The following ATP2C1 variants were observed in gnomAD, a reference collection of about 807,000 sequenced individuals.
ATP2C1 encodes the protein ATPase secretory pathway Ca2+ transporting 1.
Under a neutral mutation model 120.5 loss-of-function variants are expected in ATP2C1, and 31 were observed. The ratio of observed to expected loss-of-function variants is 0.26; its 90% CI spans 0.19 to 0.35. The LOEUF is 0.35. ATP2C1 is among the 10% of genes least tolerant of loss of function. The probability of loss-of-function intolerance (pLI) is 1.00; values close to 1 mark genes in which losing one functional copy is unlikely to be tolerated. For missense variants in ATP2C1, 731 were observed against 1,107.5 expected, an observed-to-expected ratio of 0.66 and a Z score of 4.83; for synonymous variants, 351 against 358.7, an observed-to-expected ratio of 0.98 and a Z score of 0.24.
At chr3:130,996,608 C>G in intron 23 of ATP2C1, 72 bp from the exon 24 acceptor site, 1 of 1,021,366 alleles carries the variant, frequency 9.8e-7, no homozygotes. Flanking sequence ...TTTTTAAATG[C>G]TAAAAAAGTG....
chr3:130,872,823 T>C (rs949365751), intron 1 of ATP2C1, among the ~76,000 whole-genome samples: 1 of 152,116 alleles, frequency 6.6e-6, no homozygotes, highest in South Asian at 2.1e-4. Context: ...GACCTTGTGA[T>C]CTACCTGCCT....
At position 131,014,000 on chromosome 3, in the gene ATP2C1, G is replaced by T. The variant is rs1434244486; in HGVS notation, c.2630-2152G>T. 3.1e-6 allele frequency: 4 copies of T among 1,309,138 alleles called. No homozygotes were observed. In the African/African-American group the frequency reaches 4.5e-5, roughly 15 times the overall value. 81.1% of individuals were successfully genotyped at this position (1,309,138 alleles called of 1,614,324 possible). A position where few individuals can be genotyped will look rare whatever the true frequency, so the allele number is the denominator to read the frequency against. ...AGCTAATTGTTTCAAGGGTGGTAACGGAAGAATTTTAAGTAAGGATTATAT... is the reference window on the plus strand; with the variant it reads ...AGCTAATTGTTTCAAGGGTGGTAACTGAAGAATTTTAAGTAAGGATTATAT... On this transcript the variant is annotated intron_variant, in intron 26 of 26. Transcript: ENST00000328560.
At position 130,932,141 on chromosome 3, in the gene ATP2C1, G is replaced by A. The variant is rs1277188541; in HGVS notation, c.234+3G>A. On this transcript the variant is annotated splice_donor_region_variant and intron_variant, in intron 4 of 27. Coordinates refer to ENST00000510168, the MANE Select transcript of ATP2C1 (RefSeq NM_001378687.1). ...TGTGGAAGAAGTATATTTCTCAGGT[G>A]AGATACTTTTACTTCCTCTTCTACT... is the stretch of plus-strand genomic sequence containing the variant. 1 of 1,536,920 alleles carries A rather than the reference G, an allele frequency of 6.5e-7. No homozygotes were observed. Among genetic ancestry groups the A allele is most frequent in the South Asian group, 1.1e-5 (1 of 89,478 alleles).
At chr3:131,006,216 A>G (rs975299608), downstream of ATP2C1, among the ~76,000 whole-genome samples, 51 of 152,086 alleles carry the variant, frequency 3.4e-4, no homozygotes, top group African/African-American at 1.1e-3. Context: ...AGTTCAAGTG[A>G]TTCTCCTGCC....
intron 11 of ATP2C1, among the ~76,000 whole-genome samples, chr3:130,957,613 C>A (rs974374103): frequency 5.3e-5 from 8 of 152,240 alleles, no homozygotes; most frequent in African/African-American, 1.7e-4. Context: ...ATGGCGCAAT[C>A]CCGGCTGACT....
At chr3:131,010,621 C>T (rs1385174527) in intron 26 of ATP2C1, among the ~76,000 whole-genome samples, 1 of 152,182 alleles carries the variant, frequency 6.6e-6, no homozygotes, top group Non-Finnish European at 1.5e-5. Context: ...ATAATTCCTT[C>T]TGGTCTTTTT....
At chr3:130,942,309 A>AT (rs2059958567) in intron 8 of ATP2C1, among the ~76,000 whole-genome samples, 1 of 152,174 alleles carries the variant, frequency 6.6e-6, no homozygotes, top group Non-Finnish European at 1.5e-5. Context: ...TTAACTTCAG[A>AT]TTTTTTTGGT....
Position 130,967,372 on chromosome 3 carries a change from C to G in ATP2C1, c.1261C>G (p.Leu421Val), listed in dbSNP as rs943896787. 3.1e-6 allele frequency: 5 copies of G among 1,613,646 alleles called. No individual in the cohort carries two copies. The highest frequency in any genetic ancestry group is 2.2e-5 in the South Asian group (2 of 91,068). ...TGATGCTGTAATTAGAAACAATACT[C>G]TAATGGGGAAGCCAACAGAAGGGGC... ...CNDAVIRNNT[L>V]MGKPTEGALI... Residue 421 changes from leucine (L) to valine (V), a missense_variant, in exon 16 of 28, where the codon CTA becomes GTA. Physicochemically the swap from Leu to Val is conservative, Grantham distance 32. Around this residue, in one of 3 missense-constraint regions of ATP2C1, gnomAD observed 571 missense variants for 845.9 expected, o/e 0.67. Coordinates refer to ENST00000510168, the MANE Select transcript of ATP2C1 (RefSeq NM_001378687.1).
chr3:130,921,706 CAT>C (rs1282131236), intron 2 of ATP2C1, among the ~76,000 whole-genome samples: 2 of 152,070 alleles, frequency 1.3e-5, no homozygotes, highest in South Asian at 2.1e-4. Flanking sequence ...TTGAGATGAT[CAT>C]GTGATTTTTA....
intron 20 of ATP2C1, 156 bp from the exon 21 acceptor site, chr3:130,992,795 C>T (rs1451734810): frequency 4.6e-6 from 3 of 657,306 alleles, no homozygotes; most frequent in Non-Finnish European, 8.3e-6. Flanking sequence ...AGATTAATGT[C>T]TTAACAAACA....
chr3:131,005,948 G>C (rs183882309), downstream of ATP2C1, among the ~76,000 whole-genome samples: 1 of 151,270 alleles, frequency 6.6e-6, no homozygotes. Context: ...AGGTGAGAGC[G>C]TGTGTGTGTG....
At chr3:130,923,459 C>T (rs2059058258) in intron 2 of ATP2C1, among the ~76,000 whole-genome samples, 2 of 152,026 alleles carry the variant, frequency 1.3e-5, no homozygotes, top group African/African-American at 4.8e-5. Flanking sequence ...CCTTATGATC[C>T]ACCTGTGTCA....
Position 130,940,610 on chromosome 3 carries a change from A to G in ATP2C1, c.361-20A>G, listed in dbSNP as rs375688553. The G allele has an allele frequency of 7.7e-6, 12 of 1,548,594 alleles. No individual in the cohort carries two copies. The highest frequency in any genetic ancestry group is 1.7e-4 in the Middle Eastern group (1 of 5,994). On this transcript the variant is annotated intron_variant, in intron 6 of 27. Transcript: ENST00000510168. ...ATTCATGGGAGCAAAATTAAATTCT[A>G]CTTTTTTTTGTTTGAATAGGAATAT...
chr3:130,901,976 G>A (rs887772283), intron 2 of ATP2C1, among the ~76,000 whole-genome samples: 2 of 151,978 alleles, frequency 1.3e-5, no homozygotes, highest in African/African-American at 2.4e-5. Context: ...GCTACAATCC[G>A]TAAGACAGCA....
In ATP2C1 at chr3:130,995,361, G is replaced by A. The variant is rs543401368; in HGVS notation, c.2058-682G>A. On this transcript the variant is annotated intron_variant, in intron 22 of 27. Transcript: ENST00000510168. Reference sequence around the variant, plus strand: ...CCAAGAAGGTCGAGGCTGCAGGTAAGTCAAGGTTGTGCCACTGCGCTCCAG... The same window carrying A: ...CCAAGAAGGTCGAGGCTGCAGGTAAATCAAGGTTGTGCCACTGCGCTCCAG... 1.3e-4 allele frequency among the ~76,000 whole-genome samples: 19 copies of A among 151,520 alleles called. No individual in the cohort carries two copies. In the South Asian group the frequency reaches 3.9e-3, roughly 31 times the overall value.
chr3:130,921,079 C>CTTTTTTTTTT (rs1170193033), intron 2 of ATP2C1, among the ~76,000 whole-genome samples: 1 of 128,562 alleles, frequency 7.8e-6, no homozygotes, highest in African/African-American at 3.0e-5. Flanking sequence ...AGTTTTCTTT[C>CTTTTTTTTTT]TTTTTTTTTT....
chr3:130,934,360 A>G (rs996187189), intron 4 of ATP2C1, among the ~76,000 whole-genome samples: 4 of 152,180 alleles, frequency 2.6e-5, no homozygotes, highest in Non-Finnish European at 4.4e-5. Flanking sequence ...AAATTGCTGT[A>G]TACTATAAGG....
At chr3:131,003,604 T>C (rs2062989039), downstream of ATP2C1, among the ~76,000 whole-genome samples, 1 of 152,190 alleles carries the variant, frequency 6.6e-6, no homozygotes. Context: ...ACATTTGTGC[T>C]GGACATTGCA....
chr3:130,894,323 T>C lies in ATP2C1; in HGVS notation c.-195T>C. ...GAGACCCCGCAGCCTGGAGGAGGGCTGTCCGGGGCTTTGGGTGGGTACCAG... is the reference window on the plus strand; with the variant it reads ...GAGACCCCGCAGCCTGGAGGAGGGCCGTCCGGGGCTTTGGGTGGGTACCAG... On this transcript the variant is annotated 5_prime_UTR_variant, in exon 1 of 28. Coordinates refer to ENST00000510168, the MANE Select transcript of ATP2C1 (RefSeq NM_001378687.1). This position sits in a 1 kb window ranked among gnomAD's most constrained non-coding sequence, Gnocchi z 4.5. 1.0e-6 allele frequency: 1 copy of C among 991,700 alleles called. No individual in the cohort carries two copies. The highest frequency in any genetic ancestry group is 1.2e-6 in the Non-Finnish European group (1 of 833,354). 61.4% of individuals were successfully genotyped at this position (991,700 alleles called of 1,614,324 possible). A position where few individuals can be genotyped will look rare whatever the true frequency, so the allele number is the denominator to read the frequency against.
Sources: gnomAD v4.1 joint callset for allele counts (sites outside exome capture counted in the v4.1 genomes callset) on GRCh38, gnomAD v4.1.1 for gene constraint, gnomAD v4.1.1 regional missense constraint, Gnocchi (gnomAD v3.1) non-coding constraint, MANE v1.5 for transcripts, NCBI Gene and HGNC (gene_info 2026-07-23, HGNC 2026-07-21) for gene names.